Variants in PLCB1 observed in about 807,000 individuals in gnomAD.
The protein encoded by PLCB1 is 1-phosphatidylinositol 4,5-bisphosphate phosphodiesterase beta-1.
PLCB1 carries 46 observed loss-of-function variants against 161.8 expected under a neutral mutation model. That is an observed-to-expected ratio of 0.28 (90% CI 0.22 to 0.36). PLCB1 has a LOEUF of 0.36. PLCB1 is among the 10% of genes least tolerant of loss of function. The probability of loss-of-function intolerance (pLI) is 1.00; values close to 1 mark genes in which losing one functional copy is unlikely to be tolerated. For synonymous variants in PLCB1, 517 were observed against 503.7 expected, an observed-to-expected ratio of 1.03 and a Z score of -0.35; for missense variants, 1,016 against 1,472.5, an observed-to-expected ratio of 0.69 and a Z score of 5.07.
At chr20:8,159,329 T>C (rs889904975) in intron 2 of PLCB1, among the ~76,000 whole-genome samples, 3 of 152,092 alleles carry the variant, frequency 2.0e-5, no homozygotes, top group Admixed American at 6.6e-5. Context: ...CAGACACAGC[T>C]AGAGTGGCAG....
At chr20:8,308,128 A>G (rs1256006449) in intron 2 of PLCB1, among the ~76,000 whole-genome samples, 1 of 152,062 alleles carries the variant, frequency 6.6e-6, no homozygotes, top group Non-Finnish European at 1.5e-5. Flanking sequence ...GTAAGGAGAC[A>G]GTTTTTCATA....
chr20:8,217,416 A>G (rs990851658), intron 2 of PLCB1, among the ~76,000 whole-genome samples: 2 of 152,086 alleles, frequency 1.3e-5, no homozygotes, highest in African/African-American at 4.8e-5. Flanking sequence ...AAGAGATGAG[A>G]TGGAGTACCC....
chr20:8,635,182 A>G (rs951910678), intron 4 of PLCB1, among the ~76,000 whole-genome samples: 1 of 152,194 alleles, frequency 6.6e-6, no homozygotes, highest in Non-Finnish European at 1.5e-5. Context: ...AGTCAAAAAC[A>G]GTAGTTTAGT....
intron 3 of PLCB1, among the ~76,000 whole-genome samples, chr20:8,412,166 G>A (rs2122515386): frequency 6.6e-6 from 1 of 152,316 alleles, no homozygotes; most frequent in South Asian, 2.1e-4. Context: ...CTACAGTAAA[G>A]CTGCATAACA....
At position 8,179,040 on chromosome 20, in the gene PLCB1, T is replaced by C. The variant is rs530850119; in HGVS notation, c.177+28669T>C. 2.6e-5 allele frequency among the ~76,000 whole-genome samples: 4 copies of C among 152,356 alleles called. No homozygotes were observed. In the East Asian group the frequency reaches 7.7e-4, roughly 29 times the overall value. On this transcript the variant is annotated intron_variant, in intron 2 of 31. Transcript: ENST00000338037. The stretch of plus-strand genomic sequence containing the variant: ...TGCTGTTTTCGTTACTGTATAGCCT[T>C]GTAGTATAGTTTGAAGTCAGGTAAT...
At chr20:8,172,061 T>A (rs2051738040) in intron 2 of PLCB1, among the ~76,000 whole-genome samples, 2 of 152,256 alleles carry the variant, frequency 1.3e-5, no homozygotes, top group South Asian at 4.2e-4. Context: ...CCCAGTAAGC[T>A]ATGGTTGGGG....
intron 2 of PLCB1, among the ~76,000 whole-genome samples, chr20:8,159,471 C>T (rs2051598324): frequency 6.6e-6 from 1 of 152,136 alleles, no homozygotes; most frequent in Non-Finnish European, 1.5e-5. Flanking sequence ...CTGACATGCC[C>T]TGGAGCCATT....
intron 10 of PLCB1, among the ~76,000 whole-genome samples, chr20:8,688,607 T>TC (rs1439177346): frequency 6.6e-6 from 1 of 152,154 alleles, no homozygotes; most frequent in Non-Finnish European, 1.5e-5. Flanking sequence ...AGGGTGTTTT[T>TC]CCCCCACTTT....
intron 2 of PLCB1, among the ~76,000 whole-genome samples, chr20:8,337,399 A>T (rs1985622076): frequency 6.6e-6 from 1 of 152,190 alleles, no homozygotes; most frequent in Non-Finnish European, 1.5e-5. Context: ...GCAAAATAAG[A>T]TGTCACCTTA....
At chr20:8,443,942 T>C (rs1283162221) in intron 3 of PLCB1, among the ~76,000 whole-genome samples, 2 of 152,326 alleles carry the variant, frequency 1.3e-5, no homozygotes, top group Admixed American at 1.3e-4. Flanking sequence ...TTGTTGGTTC[T>C]TCCAGCCTGC....
intron 3 of PLCB1, among the ~76,000 whole-genome samples, chr20:8,559,288 G>A (rs1248815707): frequency 6.6e-6 from 1 of 151,884 alleles, no homozygotes; most frequent in African/African-American, 2.4e-5. Context: ...TAAGATGTTA[G>A]TTGTAATCCC....
At chr20:8,231,623 T>C (rs1007354695) in intron 2 of PLCB1, among the ~76,000 whole-genome samples, 2 of 152,170 alleles carry the variant, frequency 1.3e-5, no homozygotes, top group Non-Finnish European at 2.9e-5. Flanking sequence ...ATCCTTTGTT[T>C]CTTCTTTCTT....
At chr20:8,750,279 T>C (rs948021106) in intron 23 of PLCB1, among the ~76,000 whole-genome samples, 9 of 152,320 alleles carry the variant, frequency 5.9e-5, no homozygotes, top group African/African-American at 2.2e-4. Flanking sequence ...AGTACTTTAC[T>C]TGGTGTTAAT....
At position 8,679,895 on chromosome 20, in the gene PLCB1, C is replaced by G. The variant is rs147474545; in HGVS notation, c.863-5037C>G. 2.6e-5 allele frequency among the ~76,000 whole-genome samples: 4 copies of G among 152,274 alleles called. No individual in the cohort carries two copies. In the East Asian group the frequency reaches 7.7e-4, roughly 29 times the overall value. ...TTGCTTTTACTGTTTCATAATCTCA[C>G]TCAAATGTGGGACATTTTGTTTTAA... is the stretch of plus-strand genomic sequence containing the variant. On this transcript the variant is annotated intron_variant, in intron 9 of 31. Transcript: ENST00000338037.
intron 2 of PLCB1, among the ~76,000 whole-genome samples, chr20:8,167,169 C>T (rs2051684515): frequency 6.6e-6 from 1 of 152,148 alleles, no homozygotes; most frequent in South Asian, 2.1e-4. Context: ...CATAAGCTTA[C>T]AAGCTTTCCC....
chr20:8,183,862 A>C (rs6055609), intron 2 of PLCB1, among the ~76,000 whole-genome samples: 7 of 151,938 alleles, frequency 4.6e-5, no homozygotes, highest in African/African-American at 1.7e-4. Flanking sequence ...GATAAAAGTT[A>C]ACTCTGTATC....
chr20:8,252,692 C>A (rs1051677274), intron 2 of PLCB1, among the ~76,000 whole-genome samples: 2 of 150,932 alleles, frequency 1.3e-5, no homozygotes, highest in Admixed American at 6.6e-5. Flanking sequence ...TTGCTTTCCC[C>A]ATCCACTGTC....
intron 3 of PLCB1, among the ~76,000 whole-genome samples, chr20:8,471,435 C>T (rs910969067): frequency 1.7e-4 from 26 of 152,214 alleles, no homozygotes; most frequent in African/African-American, 4.8e-4. Context: ...GTATATTGCC[C>T]TGGAGAGCTC....
chr20:8,344,740 A>G (rs1985936104), intron 2 of PLCB1, among the ~76,000 whole-genome samples: 2 of 152,238 alleles, frequency 1.3e-5, no homozygotes, highest in South Asian at 4.1e-4. Flanking sequence ...AATGAAAATC[A>G]GGTGGTGTAA....
Sources: gnomAD v4.1 joint callset for allele counts (sites outside exome capture counted in the v4.1 genomes callset) on GRCh38, gnomAD v4.1.1 for gene constraint, MANE v1.5 for transcripts, NCBI Gene and HGNC (gene_info 2026-07-23, HGNC 2026-07-21) for gene names.